C11orf65: variants seen among roughly 807,000 people sequenced by gnomAD.
C11orf65 encodes the protein chromosome 11 open reading frame 65.
Under a neutral mutation model 35.3 loss-of-function variants are expected in C11orf65, and 38 were observed. The ratio of observed to expected loss-of-function variants is 1.08; its 90% confidence interval spans 0.83 to 1.41. The LOEUF is 1.41. C11orf65 is among the 40% of genes most tolerant of loss of function. The pLI is 0.00. For synonymous variants in C11orf65, 105 were observed against 114.4 expected (o/e 0.92, Z 0.53); for missense variants, 370 against 367.1 (o/e 1.01, Z -0.06).
Position 108,419,220 on chromosome 11 carries a change from C to A in C11orf65, c.175-12071G>T, listed in dbSNP as rs529569827. Among the ~76,000 whole-genome samples the A allele has an allele frequency of 4.6e-5, 7 of 152,046 alleles. 1 individual carries two copies. The highest frequency in any genetic ancestry group is 1.7e-4 in the African/African-American group (7 of 41,476). On this transcript the variant is annotated intron_variant, in intron 3 of 8. Coordinates refer to ENST00000393084, the MANE Select transcript of C11orf65 (RefSeq NM_152587.5). ...GGAACACAGGTGCAAATATTTATAC[C>A]AAATATTAGCAAACTAAATTCAGTG...
At chr11:108,330,206 T>C (rs1555122924), downstream of C11orf65, 2 of 1,612,648 alleles carry the variant, frequency 1.2e-6, no homozygotes, top group Non-Finnish European at 1.7e-6. Context: ...TTAATTATTC[T>C]ATGCAAGATA....
At chr11:108,332,330 G>A (rs1385066634) in intron 3 of C11orf65, among the ~76,000 whole-genome samples, 9 of 152,106 alleles carry the variant, frequency 5.9e-5, no homozygotes, top group African/African-American at 2.2e-4. Flanking sequence ...TACTCGGGAG[G>A]CTGAGGCAGG....
At chr11:108,442,648 A>C (rs1193480596) in intron 2 of C11orf65, among the ~76,000 whole-genome samples, 1 of 152,244 alleles carries the variant, frequency 6.6e-6, no homozygotes, top group African/African-American at 2.4e-5. Flanking sequence ...TCTACAAGCC[A>C]GAAGACAGTG....
Position 108,455,052 on chromosome 11 carries a change from G to A in C11orf65, c.81+6427C>T, listed in dbSNP as rs539737011. Among the ~76,000 whole-genome samples, 12 of 152,178 alleles carry A rather than the reference G, an allele frequency of 7.9e-5. 1 individual carries two copies. The South Asian group carries it at 1.2e-3, about 16-fold the overall frequency. ...GAATTGCCTTTGCTGCATCCCATAC[G>A]TTTTGGTATGTTGTGTCTCCATTTT... On this transcript the variant is annotated intron_variant, in intron 2 of 8. Coordinates refer to ENST00000393084, the MANE Select transcript of C11orf65 (RefSeq NM_152587.5).
chr11:108,313,874 C>T (rs184437345), intron 6 of C11orf65, among the ~76,000 whole-genome samples: 1 of 152,118 alleles, frequency 6.6e-6, no homozygotes, highest in East Asian at 1.9e-4. Flanking sequence ...CTAGTTTTTT[C>T]TATTTTATTT....
chr11:108,376,445 C>T (rs2091728750), intron 2 of C11orf65, among the ~76,000 whole-genome samples: 2 of 152,126 alleles, frequency 1.3e-5, no homozygotes. Context: ...AACAAAGACA[C>T]AACATACCAG....
At chr11:108,401,083 T>C (rs2092430337) in intron 6 of C11orf65, among the ~76,000 whole-genome samples, 1 of 151,478 alleles carries the variant, frequency 6.6e-6, no homozygotes, top group Non-Finnish European at 1.5e-5. Flanking sequence ...CACTCCAGCC[T>C]GGGTGACAGA....
At chr11:108,381,400 T>C (rs2091862411), downstream of C11orf65, among the ~76,000 whole-genome samples, 2 of 152,190 alleles carry the variant, frequency 1.3e-5, no homozygotes, top group African/African-American at 2.4e-5. Flanking sequence ...AGAACTATGA[T>C]TGCTACCTGG....
chr11:108,396,133 C>T (rs1321884003), intron 6 of C11orf65, among the ~76,000 whole-genome samples: 1 of 152,028 alleles, frequency 6.6e-6, no homozygotes, highest in Non-Finnish European at 1.5e-5. Context: ...TGCTCCGTTA[C>T]CCAGGCTGGA....
chr11:108,365,050 G>T (rs1310177708), intron 2 of C11orf65: 1 of 1,607,910 alleles, frequency 6.2e-7, no homozygotes, highest in African/African-American at 1.3e-5. Flanking sequence ...AATGTACATT[G>T]TTCTTTTAAT....
upstream of C11orf65, among the ~76,000 whole-genome samples, chr11:108,469,061 G>A (rs756504065): frequency 3.3e-5 from 5 of 151,802 alleles, no homozygotes; most frequent in African/African-American, 4.8e-5. Context: ...AGCCAGGATG[G>A]TCTCAATCTC....
Position 108,365,068 on chromosome 11 carries a change from TTCTC to T in C11orf65, c.226+28136_226+28139del, listed in dbSNP as rs1591384042. The stretch of plus-strand genomic sequence containing the variant: ...GTACATTGTTCTTTTAATACATATG[TTCTC>T]TCTGTTTAGGTCCTTCTATATGATC... On this transcript the variant is annotated intron_variant, in intron 2 of 3. Transcript: ENST00000524755. The T allele has an allele frequency of 1.2e-6, 2 of 1,613,356 alleles. No individual in the cohort carries two copies. Among genetic ancestry groups the T allele is most frequent in the African/African-American group, 2.7e-5 (2 of 74,918 alleles).
At chr11:108,443,401 C>G (rs6589018) in intron 2 of C11orf65, among the ~76,000 whole-genome samples, 65,351 of 151,890 alleles carry the variant, frequency 0.43, 14,347 homozygotes, top group Middle Eastern at 0.66. Flanking sequence ...CCACTGTCAA[C>G]ATGAGACAGA....
intron 2 of C11orf65, among the ~76,000 whole-genome samples, chr11:108,374,712 CA>C: frequency 6.6e-6 from 1 of 152,182 alleles, no homozygotes; most frequent in Non-Finnish European, 1.5e-5. Flanking sequence ...AAATTCAAAC[CA>C]AAGGCAAAGA....
At chr11:108,401,059 A>C (rs1395696327) in intron 6 of C11orf65, among the ~76,000 whole-genome samples, 1 of 151,890 alleles carries the variant, frequency 6.6e-6, no homozygotes, top group Non-Finnish European at 1.5e-5. Context: ...CAGTGAGCCG[A>C]GATTGCGCCA....
chr11:108,324,453 A>G (rs1406528273), intron 6 of C11orf65, among the ~76,000 whole-genome samples: 1 of 152,146 alleles, frequency 6.6e-6, no homozygotes, highest in African/African-American at 2.4e-5. Flanking sequence ...ATCATATCTA[A>G]TATCAGTAGA....
intron 6 of C11orf65, chr11:108,310,047 A>G: frequency 8.7e-7 from 1 of 1,148,016 alleles, no homozygotes; most frequent in Non-Finnish European, 1.2e-6. Flanking sequence ...GGTTTTTGGG[A>G]ATTTGTAATT....
intron 6 of C11orf65, among the ~76,000 whole-genome samples, chr11:108,324,734 G>T: frequency 6.6e-6 from 1 of 152,124 alleles, no homozygotes; most frequent in East Asian, 1.9e-4. Context: ...GTATTTCATA[G>T]TTCAGTTATT....
chr11:108,433,875 G>A (rs746798005), intron 2 of C11orf65, among the ~76,000 whole-genome samples: 1 of 152,182 alleles, frequency 6.6e-6, no homozygotes, highest in South Asian at 2.1e-4. Context: ...TGTATATTGT[G>A]CCTGGAAGAA....
Sources: allele counts gnomAD v4.1 joint callset (sites outside exome capture counted in the v4.1 genomes callset), GRCh38; gene constraint gnomAD v4.1.1; transcripts MANE v1.5; gene names NCBI Gene and HGNC (gene_info 2026-07-23, HGNC 2026-07-21).